Variants in RGS6 observed in about 807,000 individuals in gnomAD.
The protein encoded by RGS6 is regulator of G protein signaling 6, also known as regulator of G-protein signaling 6.
A neutral mutation model predicts 78.5 loss-of-function variants in RGS6; 30 were observed. That is an observed-to-expected ratio of 0.38 (90% CI 0.29 to 0.52). RGS6 has a LOEUF of 0.52. Among genes scored for constraint, RGS6 ranks in the 20% least tolerant of loss-of-function variants. The probability of loss-of-function intolerance (pLI) is 0.85; values close to 1 mark genes in which losing one functional copy is unlikely to be tolerated. For missense variants in RGS6, 495 were observed against 609.7 expected (o/e 0.81, Z 1.98); for synonymous variants, 206 against 206.0 (o/e 1.00, Z 0.00).
chr14:72,581,573 C>T, the RGS6 span, among the ~76,000 whole-genome samples: 1 of 152,158 alleles, frequency 6.6e-6, no homozygotes, highest in Non-Finnish European at 1.5e-5. Flanking sequence ...GATGTGTGTC[C>T]AAATGCCTCT....
At chr14:72,422,533 G>A (rs1056257274) in intron 3 of RGS6, among the ~76,000 whole-genome samples, 15 of 151,900 alleles carry the variant, frequency 9.9e-5, no homozygotes, top group Non-Finnish European at 5.9e-5. Flanking sequence ...CGCTTTTTTT[G>A]TTTTCCAGGA....
the RGS6 span, among the ~76,000 whole-genome samples, chr14:72,586,472 G>A: frequency 6.6e-6 from 1 of 152,186 alleles, no homozygotes; most frequent in Non-Finnish European, 1.5e-5. Flanking sequence ...AGATGCTGGT[G>A]TCATGCTTCT....
chr14:72,586,131 C>A, the RGS6 span, among the ~76,000 whole-genome samples: 1 of 152,200 alleles, frequency 6.6e-6, no homozygotes, highest in Non-Finnish European at 1.5e-5. Flanking sequence ...TCTATCCCCA[C>A]TCCTATCTCT....
At chr14:72,576,714 T>C in the RGS6 span, among the ~76,000 whole-genome samples, 1 of 152,226 alleles carries the variant, frequency 6.6e-6, no homozygotes, top group South Asian at 2.1e-4. Context: ...TCTTCCTCAC[T>C]GTCAATCAAG....
intron 2 of RGS6, among the ~76,000 whole-genome samples, chr14:72,015,076 A>C (rs1052886705): frequency 9.2e-5 from 14 of 152,212 alleles, no homozygotes; most frequent in African/African-American, 3.4e-4. Context: ...TTAATAAAGA[A>C]AAGAAGTTCA....
At chr14:72,057,087 G>A (rs1427193440) in intron 2 of RGS6, among the ~76,000 whole-genome samples, 1 of 152,028 alleles carries the variant, frequency 6.6e-6, no homozygotes, top group African/African-American at 2.4e-5. Context: ...GCCGAGGCAG[G>A]CGGATCACTT....
the RGS6 span, among the ~76,000 whole-genome samples, chr14:71,906,609 TCTC>T: frequency 1.3e-5 from 2 of 152,082 alleles, no homozygotes; most frequent in African/African-American, 2.4e-5. Flanking sequence ...CTTCCCTAAA[TCTC>T]CTCCATGATA....
chr14:71,990,983 G>T (rs2094932394), intron 2 of RGS6: 1 of 374,142 alleles, frequency 2.7e-6, no homozygotes, highest in African/African-American at 2.1e-5. Flanking sequence ...ACCACTCTAC[G>T]CAATATGAAA....
chr14:72,271,726 C>G (rs2059965507), intron 2 of RGS6, among the ~76,000 whole-genome samples: 1 of 152,172 alleles, frequency 6.6e-6, no homozygotes, highest in Admixed American at 6.6e-5. Context: ...TCCCACAGTT[C>G]TGAAGTCAGA....
chr14:72,609,930 C>T, the RGS6 span, among the ~76,000 whole-genome samples: 4 of 152,184 alleles, frequency 2.6e-5, no homozygotes, highest in African/African-American at 7.2e-5. Flanking sequence ...GGCAATGCGG[C>T]GTTGGGTCCC....
chr14:72,569,189 C>T (rs746482185), downstream of RGS6, among the ~76,000 whole-genome samples: 14 of 151,438 alleles, frequency 9.2e-5, no homozygotes, highest in Non-Finnish European at 1.8e-4. Flanking sequence ...TAAAATTCAC[C>T]GTTTTATATT....
chr14:72,024,350 ACTTT>A (rs1409799656), intron 2 of RGS6, among the ~76,000 whole-genome samples: 6 of 152,104 alleles, frequency 3.9e-5, no homozygotes, highest in Admixed American at 3.3e-4. Flanking sequence ...GCTGGCACTG[ACTTT>A]CTTTACTTGA....
At chr14:72,062,596 T>C (rs1347898813) in intron 2 of RGS6, among the ~76,000 whole-genome samples, 1 of 152,196 alleles carries the variant, frequency 6.6e-6, no homozygotes, top group Non-Finnish European at 1.5e-5. Context: ...ATATTGCTAT[T>C]AGGACTTTGT....
intron 14 of RGS6, among the ~76,000 whole-genome samples, chr14:72,515,101 G>T (rs1207489816): frequency 6.6e-6 from 1 of 152,334 alleles, no homozygotes; most frequent in African/African-American, 2.4e-5. Context: ...TTTTGCTGTT[G>T]CCTGAGAGAG....
chr14:72,005,814 C>A (rs967629005), intron 2 of RGS6, among the ~76,000 whole-genome samples: 1 of 151,892 alleles, frequency 6.6e-6, no homozygotes, highest in Non-Finnish European at 1.5e-5. Flanking sequence ...CTAATTAGGA[C>A]AAATATTCTG....
intron 2 of RGS6, among the ~76,000 whole-genome samples, chr14:72,117,431 C>T (rs2095923289): frequency 6.6e-6 from 1 of 151,986 alleles, no homozygotes; most frequent in Non-Finnish European, 1.5e-5. Flanking sequence ...GCATTGGCTC[C>T]CCCCCACCCT....
chr14:72,232,012 G>A (rs1440593310), intron 2 of RGS6, among the ~76,000 whole-genome samples: 1 of 152,208 alleles, frequency 6.6e-6, no homozygotes, highest in Non-Finnish European at 1.5e-5. Context: ...GCCGTATGAG[G>A]CTGTATGAAG....
intron 2 of RGS6, among the ~76,000 whole-genome samples, chr14:71,995,417 G>T (rs2153198651): frequency 6.6e-6 from 1 of 152,332 alleles, no homozygotes; most frequent in South Asian, 2.1e-4. Context: ...CCCTGGCAGG[G>T]TGGAAGTGAT....
intron 2 of RGS6, among the ~76,000 whole-genome samples, chr14:72,329,588 G>A (rs536355495): frequency 1.3e-5 from 2 of 152,364 alleles, no homozygotes; most frequent in East Asian, 1.9e-4. Flanking sequence ...CAACTAATTA[G>A]CAACATGCAA....
Sources: allele counts gnomAD v4.1 joint callset (sites outside exome capture counted in the v4.1 genomes callset), GRCh38; gene constraint gnomAD v4.1.1; transcripts MANE v1.5; gene names NCBI Gene and HGNC (gene_info 2026-07-23, HGNC 2026-07-21).